PIK3C2B: variants seen among roughly 807,000 people sequenced by gnomAD.
The protein encoded by PIK3C2B is phosphatidylinositol-4-phosphate 3-kinase catalytic subunit type 2 beta, also known as phosphatidylinositol 4-phosphate 3-kinase C2 domain-containing subunit beta.
Under a neutral mutation model 184.3 loss-of-function variants are expected in PIK3C2B, and 83 were observed. That is an observed-to-expected ratio of 0.45 (90% confidence interval 0.38 to 0.54). The LOEUF (loss-of-function observed/expected upper bound fraction) is 0.54, where lower values mean the gene tolerates loss of function less well. Ranked by LOEUF, PIK3C2B falls within the 20% of genes least tolerant of loss-of-function variation. PIK3C2B has a pLI of 0.00. For synonymous variants in PIK3C2B, 779 were observed against 837.6 expected (o/e 0.93, Z 1.21); for missense variants, 1,736 against 2,113.5 (o/e 0.82, Z 3.50).
chr1:204,459,391 G>A (rs1572352392), intron 8 of PIK3C2B, among the ~76,000 whole-genome samples: 1 of 152,220 alleles, frequency 6.6e-6, no homozygotes, highest in East Asian at 1.9e-4. Flanking sequence ...GACTCTCATG[G>A]TTTTGAGGCT....
rs34149363 is a variant in PIK3C2B, at chr1:204,486,394, CAA to C, written c.-85+7960_-85+7961del. Among the ~76,000 whole-genome samples the C allele has an allele frequency of 1.1e-3, 93 of 86,554 alleles. 1 individual carries two copies. Among genetic ancestry groups the C allele is most frequent in the Admixed American group, 4.9e-3 (40 of 8,206 alleles). The allele number at this position is 86,554 out of a possible 152,430, so 56.8% of individuals were successfully genotyped here. Reference sequence around the variant, plus strand: ...TGGGTGACAGAGTGAGACTCAGTCTCAAAAAAAAAAAAAAAAAGAAAACAAAA... The same window carrying C: ...TGGGTGACAGAGTGAGACTCAGTCTCAAAAAAAAAAAAAAAGAAAACAAAA... On this transcript the variant is annotated intron_variant, in intron 1 of 32. Coordinates refer to ENST00000684373, the MANE Select transcript of PIK3C2B (RefSeq NM_001377334.1).
At chr1:204,434,371 C>T (rs1329997275) in intron 24 of PIK3C2B, 68 bp downstream of exon 24, 26 of 1,423,356 alleles carry the variant, frequency 1.8e-5, no homozygotes, top group Non-Finnish European at 2.5e-5. Flanking sequence ...GCTTGTGTCC[C>T]AGCTCTGAAC....
intron 29 of PIK3C2B, chr1:204,429,054 C>T: frequency 3.1e-6 from 1 of 325,692 alleles, no homozygotes; most frequent in Non-Finnish European, 6.1e-6. Context: ...AAAACCCTGT[C>T]TTTACAAAAA....
intron 1 of PIK3C2B, among the ~76,000 whole-genome samples, chr1:204,470,478 T>A (rs556820072): frequency 1.3e-5 from 2 of 152,346 alleles, no homozygotes; most frequent in East Asian, 3.9e-4. Flanking sequence ...AAGAGGCACC[T>A]TCTATTAGCC....
At position 204,442,611 on chromosome 1, in the gene PIK3C2B, T is replaced by C; in HGVS notation, c.3071A>G (p.Glu1024Gly). 6.4e-7 allele frequency: 1 copy of C among 1,552,678 alleles called. No individual in the cohort carries two copies. The highest frequency in any genetic ancestry group is 8.7e-7 in the Non-Finnish European group (1 of 1,147,294). The change falls in exon 20 of 33, where the codon GAG (glutamate) becomes GGG (glycine). Residue 1024 changes from glutamate to glycine, a missense_variant. This residue lies in a region of PIK3C2B where 289 missense variants were observed against 380.4 expected (regional missense o/e 0.76). Transcript: ENST00000684373. ...GAGGGCAAAGAACTGCTTCACCTCC[T>C]CCAGGCCCGTGCGGAGGATTCCCTG... ...ARQGILRTGL[E>G]EVKQFFALNG... is the part of the protein sequence containing the mutation.
intron 26 of PIK3C2B, among the ~76,000 whole-genome samples, chr1:204,432,676 T>C (rs144614400): frequency 4.6e-5 from 7 of 152,292 alleles, no homozygotes; most frequent in Non-Finnish European, 1.0e-4. Context: ...GAACTCACTC[T>C]CTCTGTGTAA....
chr1:204,448,756 G>A (rs1172963234), intron 14 of PIK3C2B, among the ~76,000 whole-genome samples: 1 of 152,126 alleles, frequency 6.6e-6, no homozygotes, highest in African/African-American at 2.4e-5. Flanking sequence ...TGCACCTTGG[G>A]CGTGACCAGC....
intron 5 of PIK3C2B, among the ~76,000 whole-genome samples, chr1:204,461,466 T>G (rs1441725448): frequency 6.6e-6 from 1 of 151,982 alleles, no homozygotes; most frequent in Non-Finnish European, 1.5e-5. Context: ...GGGCCTGGCC[T>G]CAGCAGCTGG....
chr1:204,456,909 CACA>C (rs1558257318), intron 10 of PIK3C2B, 125 bp downstream of exon 10: 7 of 161,106 alleles, frequency 4.3e-5, no homozygotes, highest in African/African-American at 2.2e-4. Flanking sequence ...CACACACACC[CACA>C]CACACACACA....
At chr1:204,456,904 A>ACACACC (rs1654903997) in intron 10 of PIK3C2B, 133 bp downstream of exon 10, 8 of 208,046 alleles carry the variant, frequency 3.8e-5, no homozygotes, top group South Asian at 1.3e-4. Flanking sequence ...ACACACACAC[A>ACACACC]CACCCACACA....
chr1:204,493,869 G>T (rs1658180032), intron 1 of PIK3C2B, among the ~76,000 whole-genome samples: 1 of 152,194 alleles, frequency 6.6e-6, no homozygotes, highest in African/African-American at 2.4e-5. Flanking sequence ...TTATAAGGGA[G>T]AATCCAATTC....
intron 4 of PIK3C2B, 68 bp downstream of exon 4, chr1:204,464,382 G>T: frequency 2.3e-6 from 2 of 858,196 alleles, no homozygotes; most frequent in African/African-American, 2.5e-5. Flanking sequence ...TGGAAATCGA[G>T]TCAAAACACA....
intron 24 of PIK3C2B, 100 bp downstream of exon 24, chr1:204,434,339 G>T: frequency 9.4e-7 from 1 of 1,061,632 alleles, no homozygotes; most frequent in Non-Finnish European, 1.4e-6. Context: ...CATGATCTGA[G>T]GCCCAGCTGC....
Position 204,446,122 on chromosome 1 carries a change from G to A in PIK3C2B, c.2512C>T (p.Arg838Cys), listed in dbSNP as rs759860822. 34 of 1,569,674 alleles carry A rather than the reference G, an allele frequency of 2.2e-5. No homozygotes were observed. The highest frequency in any genetic ancestry group is 2.9e-5 in the Non-Finnish European group (33 of 1,152,984). The change falls in exon 16 of 33, where the codon CGC (arginine) becomes TGC (cysteine). Residue 838 changes from arginine (R) to cysteine (C), a missense_variant. Coordinates refer to ENST00000684373, the MANE Select transcript of PIK3C2B (RefSeq NM_001377334.1). ...LYWLTDADKKRLWEKRYYCHS... is the reference protein window; with the variant it reads ...LYWLTDADKKCLWEKRYYCHS... Reference sequence around the variant, plus strand: ...CAGTAATATCGCTTCTCCCACAGGCGCTTCTTGTCAGCATCAGTGAGCCTG... The same window carrying A: ...CAGTAATATCGCTTCTCCCACAGGCACTTCTTGTCAGCATCAGTGAGCCTG...
intron 18 of PIK3C2B, 141 bp downstream of exon 18, chr1:204,443,927 A>C (rs1263332760): frequency 2.9e-6 from 2 of 681,584 alleles, no homozygotes; most frequent in East Asian, 5.4e-5. Context: ...TGAGGAAAAG[A>C]TGCTGGTCCA....
chr1:204,439,693 G>A (rs1675541185), intron 22 of PIK3C2B, among the ~76,000 whole-genome samples: 1 of 152,116 alleles, frequency 6.6e-6, no homozygotes, highest in Non-Finnish European at 1.5e-5. Context: ...GAAGTACAGT[G>A]GCACCATCAT....
chr1:204,432,186 G>C lies in PIK3C2B; in HGVS notation c.4155+14C>G, dbSNP rs185543788. On this transcript the variant is annotated intron_variant, in intron 27 of 32. Coordinates refer to ENST00000684373, the MANE Select transcript of PIK3C2B (RefSeq NM_001377334.1). Reference sequence around the variant, plus strand: ...GAGAGCAGGAAAGGGGGTCAGATTGGAGAAAACACTTACATAGCCTTTGTT... The same window carrying C: ...GAGAGCAGGAAAGGGGGTCAGATTGCAGAAAACACTTACATAGCCTTTGTT... 1,441 of 1,610,828 alleles carry C rather than the reference G, an allele frequency of 8.9e-4. 1 individual carries two copies. Among genetic ancestry groups the C allele is most frequent in the Admixed American group, 1.3e-3 (80 of 60,012 alleles).
intron 1 of PIK3C2B, among the ~76,000 whole-genome samples, chr1:204,483,197 C>T (rs899027154): frequency 3.3e-5 from 5 of 152,066 alleles, no homozygotes; most frequent in South Asian, 2.1e-4. Context: ...CAAAGCAGGA[C>T]GATCGCTTGA....
chr1:204,480,395 C>T (rs1416932281), intron 1 of PIK3C2B, among the ~76,000 whole-genome samples: 1 of 152,172 alleles, frequency 6.6e-6, no homozygotes, highest in Non-Finnish European at 1.5e-5. Flanking sequence ...TTTGTACTGT[C>T]TCTCCTACTG....
Sources: gnomAD v4.1 joint callset for allele counts (sites outside exome capture counted in the v4.1 genomes callset) on GRCh38, gnomAD v4.1.1 for gene constraint, gnomAD v4.1.1 regional missense constraint, MANE v1.5 for transcripts, NCBI Gene and HGNC (gene_info 2026-07-23, HGNC 2026-07-21) for gene names.